The following KCNH3 variants were observed in gnomAD, a reference collection of about 807,000 sequenced individuals.
The protein encoded by KCNH3 is voltage-gated inwardly rectifying potassium channel KCNH3.
A neutral mutation model predicts 95.6 loss-of-function variants in KCNH3; 36 were observed. That is an observed-to-expected ratio of 0.38 (90% CI 0.29 to 0.50). The LOEUF (loss-of-function observed/expected upper bound fraction) is 0.50. Ranked by LOEUF, KCNH3 falls within the 20% of genes least tolerant of loss-of-function variation. The pLI is 0.95. For synonymous variants in KCNH3, 620 were observed against 646.3 expected, an observed-to-expected ratio of 0.96 and a Z score of 0.62; for missense variants, 1,030 against 1,484.1, an observed-to-expected ratio of 0.69 and a Z score of 5.03.
chr12:49,555,695 G>A lies in KCNH3; in HGVS notation c.2212G>A (p.Gly738Ser). The A allele has an allele frequency of 1.9e-6, 3 of 1,609,586 alleles. No individual in the cohort carries two copies. Among genetic ancestry groups the A allele is most frequent in the Non-Finnish European group, 2.5e-6 (3 of 1,177,538 alleles). The change falls in exon 12 of 15, where the codon GGC (glycine) becomes AGC (serine). Residue 738 changes from glycine (G) to serine (S), a missense_variant. Coordinates refer to ENST00000257981, the MANE Select transcript of KCNH3 (RefSeq NM_012284.3). ...GGAGAAGGAGACAGATGGGGAGCAG[G>A]GCCCCACGGTCTCCCCAGCCCCAGC... Reference protein sequence around the residue: ...LEEKETDGEQGPTVSPAPADE... With the variant: ...LEEKETDGEQSPTVSPAPADE...
At chr12:49,541,922 T>A (rs1937884355) in intron 3 of KCNH3, among the ~76,000 whole-genome samples, 158 bp downstream of exon 3, 1 of 152,210 alleles carries the variant, frequency 6.6e-6, no homozygotes, top group Non-Finnish European at 1.5e-5. Context: ...ATCTCCACAT[T>A]CCTCGGTATG....
chr12:49,543,461 GC>G lies in KCNH3; in HGVS notation c.768del (p.Ala257ProfsTer22). On this transcript the variant is annotated frameshift_variant, in exon 5 of 15. Coordinates refer to ENST00000257981, the MANE Select transcript of KCNH3 (RefSeq NM_012284.3). LOFTEE classifies it high-confidence loss of function. ...VCVSTAREPS[A>X]ARGPPSVCDL... ...TGTGAGCACAGCACGGGAGCCCAGT[GC>G]CGCCCGCGGCCCGCCCAGCGTCTGT... 6.2e-7 allele frequency: 1 copy of G among 1,602,318 alleles called. No individual in the cohort carries two copies. The highest frequency in any genetic ancestry group is 8.5e-7 in the Non-Finnish European group (1 of 1,179,410).
At chr12:49,556,878 G>C (rs1406150736) in intron 13 of KCNH3, 5 of 622,550 alleles carry the variant, frequency 8.0e-6, no homozygotes, top group East Asian at 3.0e-5. Context: ...CAGGGAAGTG[G>C]ACAAGGTAAT....
chr12:49,556,718 G>A (rs929697863), intron 13 of KCNH3: 11 of 690,742 alleles, frequency 1.6e-5, no homozygotes, highest in Non-Finnish European at 2.9e-5. Context: ...TTCTAGCAGT[G>A]TGAATTTGGC....
chr12:49,546,397 A>G (rs1447126402), intron 7 of KCNH3, among the ~76,000 whole-genome samples: 1 of 151,348 alleles, frequency 6.6e-6, no homozygotes, highest in Non-Finnish European at 1.5e-5. Context: ...AGACCTCTCC[A>G]AGTCCAGCCC....
chr12:49,551,762 G>A (rs906478108), intron 10 of KCNH3, among the ~76,000 whole-genome samples: 1 of 152,128 alleles, frequency 6.6e-6, no homozygotes, highest in Non-Finnish European at 1.5e-5. Flanking sequence ...AGGCAGCCAA[G>A]GCACGTGTAG....
chr12:49,549,723 G>A (rs1938194259), intron 9 of KCNH3, 83 bp downstream of exon 9: 10 of 1,349,796 alleles, frequency 7.4e-6, no homozygotes, highest in Non-Finnish European at 1.0e-5. Context: ...AGTGGGGGAG[G>A]ATGAATGCAG....
chr12:49,552,493 G>A (rs570370728), intron 10 of KCNH3, among the ~76,000 whole-genome samples: 44 of 152,284 alleles, frequency 2.9e-4, no homozygotes, highest in Non-Finnish European at 5.1e-4. Context: ...CTGGTTCCCC[G>A]ACCCCAATCA....
intron 7 of KCNH3, 122 bp from the exon 8 acceptor site, chr12:49,548,773 G>T: frequency 9.7e-7 from 1 of 1,032,708 alleles, no homozygotes; most frequent in Non-Finnish European, 1.4e-6. Flanking sequence ...GGCTGGCAGT[G>T]AAGGGGCAAA....
In KCNH3 at chr12:49,549,590, G is replaced by T; in HGVS notation, c.1618G>T (p.Glu540Ter). ...CAAGCCCCTCAAGCAGCGCATGCTGGAGTACTTCCAGGCCACCTGGGCGGT... is the reference window on the plus strand; with the variant it reads ...CAAGCCCCTCAAGCAGCGCATGCTGTAGTACTTCCAGGCCACCTGGGCGGT... ...IPKPLKQRML[E>*]YFQATWAVNN... is the part of the protein sequence containing the mutation. Residue 540 changes from glutamate to a stop codon, truncating the protein, a stop_gained, in exon 9 of 15, where the codon GAG (glutamate) becomes TAG (stop). Coordinates refer to ENST00000257981, the MANE Select transcript of KCNH3 (RefSeq NM_012284.3). LOFTEE classifies it high-confidence loss of function. 1 of 1,612,754 alleles carries T rather than the reference G, an allele frequency of 6.2e-7. No homozygotes were observed. The highest frequency in any genetic ancestry group is 8.5e-7 in the Non-Finnish European group (1 of 1,180,032).
chr12:49,555,534 C>T, intron 11 of KCNH3, 86 bp from the exon 12 acceptor site: 1 of 777,590 alleles, frequency 1.3e-6, no homozygotes, highest in Non-Finnish European at 2.0e-6. Context: ...TCATCCCTTC[C>T]AGGGTAGATG....
rs1322398916 is a variant in KCNH3, at chr12:49,556,870, G to A, written c.2576-313G>A. ...CAGGGGTGAAAATGTCTCCAGGCCA[G>A]GGAAGTGGACAAGGTAATGAGCTCC... On this transcript the variant is annotated intron_variant, in intron 13 of 14. Transcript: ENST00000257981. The A allele has an allele frequency of 1.9e-5, 12 of 625,812 alleles. No homozygotes were observed. The East Asian group carries it at 2.4e-4, about 13-fold the overall frequency. The allele number at this position is 625,812 out of a possible 1,614,324, so 38.8% of individuals were successfully genotyped here. A position where few individuals can be genotyped will look rare whatever the true frequency, so the allele number is the denominator to read the frequency against.
intron 12 of KCNH3, 51 bp downstream of exon 12, chr12:49,556,002 G>A: frequency 2.2e-6 from 2 of 907,534 alleles, no homozygotes; most frequent in Non-Finnish European, 1.7e-6. Flanking sequence ...TGAGGCTGAG[G>A]CCCTGGGCAG....
rs879057803 is a variant in KCNH3 at position 49,544,459 on chromosome 12, G to A, written c.1189+77G>A. 5 of 1,426,144 alleles carry A rather than the reference G, an allele frequency of 3.5e-6. No homozygotes were observed. In the South Asian group the frequency reaches 3.6e-5, roughly 10 times the overall value. The allele number at this position is 1,426,144 out of a possible 1,614,324, so 88.3% of individuals were successfully genotyped here. A position where few individuals can be genotyped will look rare whatever the true frequency, so the allele number is the denominator to read the frequency against. On this transcript the variant is annotated intron_variant, in intron 7 of 14. Transcript: ENST00000257981. Reference sequence around the variant, plus strand: ...TGTGAGTGCCAGCGTGGGTGCAGATGTGTGGTGTCCCTACCTGTGCAAGTC... The same window carrying A: ...TGTGAGTGCCAGCGTGGGTGCAGATATGTGGTGTCCCTACCTGTGCAAGTC...
intron 3 of KCNH3, 121 bp downstream of exon 3, chr12:49,541,885 G>T: frequency 9.3e-7 from 1 of 1,076,582 alleles, no homozygotes; most frequent in East Asian, 2.4e-5. Flanking sequence ...TCCCACTCAG[G>T]CTGCCTGAGA....
chr12:49,548,605 G>A (rs1373270334), intron 7 of KCNH3, among the ~76,000 whole-genome samples: 1 of 152,180 alleles, frequency 6.6e-6, no homozygotes, highest in Non-Finnish European at 1.5e-5. Flanking sequence ...TTTTGCCCAC[G>A]CCAGCCAGGC....
At chr12:49,556,220 G>T in intron 12 of KCNH3, 150 bp from the exon 13 acceptor site, 1 of 671,036 alleles carries the variant, frequency 1.5e-6, no homozygotes. Context: ...GCTCCTAGGG[G>T]AAGGGACCCC....
chr12:49,550,662 G>T (rs1236019448), intron 10 of KCNH3, among the ~76,000 whole-genome samples: 1 of 152,196 alleles, frequency 6.6e-6, no homozygotes, highest in East Asian at 1.9e-4. Context: ...AAGTGCTGGG[G>T]AGAGTGTCAG....
intron 1 of KCNH3, among the ~76,000 whole-genome samples, chr12:49,540,358 C>T (rs571931752): frequency 6.3e-4 from 96 of 152,352 alleles, no homozygotes; most frequent in African/African-American, 2.1e-3. Context: ...AGTCACCATT[C>T]TTACACCCCC....
Sources: allele counts gnomAD v4.1 joint callset (sites outside exome capture counted in the v4.1 genomes callset), GRCh38; gene constraint gnomAD v4.1.1; transcripts MANE v1.5; gene names NCBI Gene and HGNC (gene_info 2026-07-23, HGNC 2026-07-21).